Variants in PIK3AP1 observed in about 807,000 individuals in gnomAD.
The protein encoded by PIK3AP1 is phosphoinositide 3-kinase adapter protein 1.
A neutral mutation model predicts 88.1 loss-of-function variants in PIK3AP1; 21 were observed. That is an observed-to-expected ratio of 0.24 (90% CI 0.17 to 0.34). The LOEUF (loss-of-function observed/expected upper bound fraction) is 0.34, where lower values mean the gene tolerates loss of function less well. Ranked by LOEUF, PIK3AP1 falls within the 10% of genes least tolerant of loss-of-function variation. The pLI is 1.00. For missense variants in PIK3AP1, 828 were observed against 1,035.7 expected, an observed-to-expected ratio of 0.80 and a Z score of 2.75; for synonymous variants, 398 against 400.0, an observed-to-expected ratio of 1.00 and a Z score of 0.06.
chr10:96,599,709 C>G (rs1273922815), intron 16 of PIK3AP1, among the ~76,000 whole-genome samples: 2 of 152,110 alleles, frequency 1.3e-5, no homozygotes, highest in African/African-American at 2.4e-5. Flanking sequence ...CTCAAATATC[C>G]CCGTATTTTA....
At chr10:96,608,648 G>A (rs78816503) in intron 14 of PIK3AP1, among the ~76,000 whole-genome samples, 3,327 of 152,256 alleles carry the variant, frequency 0.022, 116 homozygotes, top group African/African-American at 0.075. Context: ...TAAGTCCATG[G>A]GTGGGCAAAA....
chr10:96,684,009 C>T (rs1273940292), intron 2 of PIK3AP1, among the ~76,000 whole-genome samples: 4 of 152,198 alleles, frequency 2.6e-5, no homozygotes, highest in African/African-American at 9.7e-5. Flanking sequence ...CCTGGTAGGC[C>T]TCACCACAGG....
intron 2 of PIK3AP1, among the ~76,000 whole-genome samples, chr10:96,703,775 G>C (rs1296896829): frequency 6.6e-6 from 1 of 152,124 alleles, no homozygotes; most frequent in Non-Finnish European, 1.5e-5. Flanking sequence ...CAGTTAAAAA[G>C]GTTCTCGGGA....
At chr10:96,686,860 GC>G (rs1304319385) in intron 2 of PIK3AP1, among the ~76,000 whole-genome samples, 1 of 152,124 alleles carries the variant, frequency 6.6e-6, no homozygotes, top group Non-Finnish European at 1.5e-5. Flanking sequence ...TCCCACAATG[GC>G]CCACTCTGCC....
At chr10:96,712,906 A>C (rs1226808143) in intron 1 of PIK3AP1, among the ~76,000 whole-genome samples, 2 of 152,258 alleles carry the variant, frequency 1.3e-5, no homozygotes, top group South Asian at 2.1e-4. Flanking sequence ...CAATTTGTGC[A>C]ATAAGCAGAA....
At chr10:96,605,996 C>G (rs11592104) in intron 14 of PIK3AP1, among the ~76,000 whole-genome samples, 8,175 of 152,134 alleles carry the variant, frequency 0.054, 283 homozygotes, top group Non-Finnish European at 0.084. Flanking sequence ...AGGCAGAGAA[C>G]TGCTTGAACC....
At chr10:96,630,762 G>A (rs748268590) in intron 8 of PIK3AP1, among the ~76,000 whole-genome samples, 8 of 152,108 alleles carry the variant, frequency 5.3e-5, no homozygotes, top group Non-Finnish European at 1.0e-4. Flanking sequence ...AGAATTGCTT[G>A]AGCCCAAGAG....
chr10:96,606,472 C>A (rs1486700996), intron 14 of PIK3AP1, among the ~76,000 whole-genome samples: 3 of 152,244 alleles, frequency 2.0e-5, no homozygotes, highest in African/African-American at 7.2e-5. Flanking sequence ...TCAGTTCCCA[C>A]TGTCCCTTCT....
chr10:96,685,902 G>A (rs1844061423), intron 2 of PIK3AP1, among the ~76,000 whole-genome samples: 1 of 152,170 alleles, frequency 6.6e-6, no homozygotes, highest in African/African-American at 2.4e-5. Flanking sequence ...CCCACACACT[G>A]GCTGAGCTCC....
intron 8 of PIK3AP1, among the ~76,000 whole-genome samples, chr10:96,629,654 G>A (rs1843210200): frequency 7.5e-6 from 1 of 132,654 alleles, no homozygotes; most frequent in Non-Finnish European, 1.5e-5. Context: ...AAGGCAGAAG[G>A]ATCACTTGAG....
At chr10:96,705,745 G>A (rs1438591792) in intron 2 of PIK3AP1, among the ~76,000 whole-genome samples, 2 of 151,580 alleles carry the variant, frequency 1.3e-5, no homozygotes, top group East Asian at 3.9e-4. Flanking sequence ...ACCATGCCCA[G>A]CTAATTTTTG....
chr10:96,644,286 C>T (rs1843430087), intron 8 of PIK3AP1, among the ~76,000 whole-genome samples: 1 of 152,164 alleles, frequency 6.6e-6, no homozygotes, highest in East Asian at 1.9e-4. Context: ...AAATATTTCC[C>T]TAGACATACA....
At position 96,620,584 on chromosome 10, in the gene PIK3AP1, G is replaced by C. The variant is rs747004390; in HGVS notation, c.1736-27C>G. On this transcript the variant is annotated intron_variant, in intron 11 of 16. Coordinates refer to ENST00000339364, the MANE Select transcript of PIK3AP1 (RefSeq NM_152309.3). The stretch of plus-strand genomic sequence containing the variant: ...TGGAAAGGATGGCAAAACTCAGCTT[G>C]ACAGCTCCCCCACTGGGGACCACTC... The C allele has an allele frequency of 1.0e-5, 16 of 1,605,062 alleles. No homozygotes were observed. In the South Asian group the frequency reaches 1.8e-4, roughly 18 times the overall value.
Position 96,595,550 on chromosome 10 carries a change from G to A in PIK3AP1, c.*27C>T. The stretch of plus-strand genomic sequence containing the variant: ...TGAAGACTGTGAGTCTTAAAGTCCT[G>A]AAGTAGGCAGGTTTTAGGAGGTGGA... On this transcript the variant is annotated 3_prime_UTR_variant, in exon 17 of 17. Transcript: ENST00000339364. 1.2e-6 allele frequency: 2 copies of A among 1,607,330 alleles called. No homozygotes were observed. Among genetic ancestry groups the A allele is most frequent in the Non-Finnish European group, 1.7e-6 (2 of 1,174,374 alleles).
intron 8 of PIK3AP1, among the ~76,000 whole-genome samples, chr10:96,641,629 G>A (rs1843390880): frequency 1.3e-5 from 2 of 152,216 alleles, no homozygotes; most frequent in African/African-American, 4.8e-5. Flanking sequence ...GGCCAGGAGA[G>A]CCCTACATTC....
chr10:96,638,816 T>C (rs189292633), intron 8 of PIK3AP1, among the ~76,000 whole-genome samples: 2 of 152,354 alleles, frequency 1.3e-5, no homozygotes, highest in Admixed American at 6.5e-5. Flanking sequence ...TTCAGTTATG[T>C]GGTGTTTTTG....
At chr10:96,603,292 C>G (rs368809916) in intron 15 of PIK3AP1, among the ~76,000 whole-genome samples, 3 of 152,082 alleles carry the variant, frequency 2.0e-5, no homozygotes, top group African/African-American at 7.2e-5. Flanking sequence ...AAAAAGAAAC[C>G]CTGTGTGATG....
intron 14 of PIK3AP1, among the ~76,000 whole-genome samples, chr10:96,604,826 CACAAA>C (rs746444228): frequency 3.9e-5 from 6 of 152,158 alleles, no homozygotes; most frequent in Non-Finnish European, 5.9e-5. Flanking sequence ...GACCCTTTGA[CACAAA>C]ACAAAATGCA....
chr10:96,680,368 T>C (rs1411965640), intron 2 of PIK3AP1, among the ~76,000 whole-genome samples: 1 of 152,014 alleles, frequency 6.6e-6, no homozygotes, highest in Admixed American at 6.6e-5. Flanking sequence ...AGTAAATGGA[T>C]GTCATGAGGG....
Sources: allele counts gnomAD v4.1 joint callset (sites outside exome capture counted in the v4.1 genomes callset), GRCh38; gene constraint gnomAD v4.1.1; transcripts MANE v1.5; gene names NCBI Gene and HGNC (gene_info 2026-07-23, HGNC 2026-07-21).